ASAP1: variants seen among roughly 807,000 people sequenced by gnomAD.
ASAP1 encodes ArfGAP with SH3 domain, ankyrin repeat and PH domain 1, also known as arf-GAP with SH3 domain, ANK repeat and PH domain-containing protein 1.
Under a neutral mutation model 145.2 loss-of-function variants are expected in ASAP1, and 43 were observed. That is an observed-to-expected ratio of 0.30 (90% confidence interval 0.23 to 0.38). The LOEUF is 0.38. Ranked by LOEUF, ASAP1 falls within the 10% of genes least tolerant of loss-of-function variation. The probability of loss-of-function intolerance (pLI) is 1.00; values close to 1 mark genes in which losing one functional copy is unlikely to be tolerated. For synonymous variants in ASAP1, 546 were observed against 515.5 expected (o/e 1.06, Z -0.80); for missense variants, 1,018 against 1,355.3 (o/e 0.75, Z 3.91).
intron 2 of ASAP1, among the ~76,000 whole-genome samples, chr8:130,366,624 G>C (rs72724460): frequency 5.3e-5 from 8 of 152,138 alleles, no homozygotes; most frequent in East Asian, 1.9e-4. Flanking sequence ...AAGAGTGTGC[G>C]ATCTGGATTC....
intron 22 of ASAP1, 64 bp downstream of exon 22, chr8:130,116,614 T>G (rs2097556478): frequency 5.7e-6 from 8 of 1,397,456 alleles, no homozygotes; most frequent in Non-Finnish European, 8.0e-6. Flanking sequence ...AATTCTAGCT[T>G]CTCAGAATGA....
intron 11 of ASAP1, among the ~76,000 whole-genome samples, chr8:130,162,635 G>A (rs568914520): frequency 2.9e-4 from 44 of 151,854 alleles, no homozygotes; most frequent in African/African-American, 9.7e-4. Context: ...TGGCTAACAC[G>A]GTGAAACCCC....
At chr8:130,442,980 G>A (rs917348238) in intron 1 of ASAP1, among the ~76,000 whole-genome samples, 3 of 152,140 alleles carry the variant, frequency 2.0e-5, no homozygotes, top group African/African-American at 7.2e-5. Flanking sequence ...CTTTAGGCAA[G>A]TGGCCTGGGG....
intron 9 of ASAP1, among the ~76,000 whole-genome samples, chr8:130,177,108 C>T (rs1474188812): frequency 6.6e-6 from 1 of 152,178 alleles, no homozygotes; most frequent in Non-Finnish European, 1.5e-5. Context: ...AAAAGCCTTG[C>T]TTTATCTCTG....
chr8:130,202,490 T>C (rs1160275857), intron 5 of ASAP1, among the ~76,000 whole-genome samples: 5 of 152,192 alleles, frequency 3.3e-5, no homozygotes, highest in African/African-American at 1.2e-4. Context: ...AAGAACACAC[T>C]TCATAGGAAG....
intron 3 of ASAP1, among the ~76,000 whole-genome samples, chr8:130,301,068 T>C (rs1822630609): frequency 1.3e-5 from 2 of 152,148 alleles, no homozygotes; most frequent in South Asian, 4.1e-4. Context: ...TTTAAGGAGA[T>C]GATGCCAAAA....
chr8:130,352,821 T>C (rs78814423), intron 3 of ASAP1, among the ~76,000 whole-genome samples: 2,095 of 152,330 alleles, frequency 0.014, 48 homozygotes, highest in African/African-American at 0.049. Context: ...TGAATCTACA[T>C]TCTGTATCTT....
intron 26 of ASAP1, among the ~76,000 whole-genome samples, chr8:130,078,358 G>A (rs753615748): frequency 1.1e-4 from 17 of 151,962 alleles, no homozygotes; most frequent in Non-Finnish European, 1.9e-4. Context: ...GCAGAGGTGC[G>A]ATCATGACTC....
intron 2 of ASAP1, among the ~76,000 whole-genome samples, chr8:130,394,689 G>A (rs1343585427): frequency 6.6e-6 from 1 of 152,110 alleles, no homozygotes; most frequent in Non-Finnish European, 1.5e-5. Context: ...TACATGTGAT[G>A]TCTCCCCAGG....
At chr8:130,086,776 C>T (rs1172240783) in intron 25 of ASAP1, among the ~76,000 whole-genome samples, 1 of 152,090 alleles carries the variant, frequency 6.6e-6, no homozygotes, top group African/African-American at 2.4e-5. Context: ...TGCACTCCAG[C>T]CTGGGTGACA....
At chr8:130,091,831 A>G in intron 25 of ASAP1, 142 bp downstream of exon 25, 1 of 873,412 alleles carries the variant, frequency 1.1e-6, no homozygotes, top group Non-Finnish European at 1.7e-6. Flanking sequence ...AGGTAGAATC[A>G]TGTCATATAT....
chr8:130,054,700 G>A lies in ASAP1; in HGVS notation c.*31C>T. On this transcript the variant is annotated 3_prime_UTR_variant, in exon 30 of 30. Coordinates refer to ENST00000518721, the MANE Select transcript of ASAP1 (RefSeq NM_018482.4). ...ATGAAGGCAGCAGTCTTGCATGAAG[G>A]ATGTGGACAATCTTAAGGTTCTGCG... The A allele has an allele frequency of 1.9e-6, 3 of 1,585,802 alleles. No individual in the cohort carries two copies.
At chr8:130,092,234 T>C in intron 24 of ASAP1, 91 bp from the exon 25 acceptor site, 3 of 1,376,574 alleles carry the variant, frequency 2.2e-6, no homozygotes, top group Non-Finnish European at 2.9e-6. Context: ...CACATCAGAA[T>C]GTGGTATGAC....
At chr8:130,440,722 C>T (rs1418981603) in intron 1 of ASAP1, among the ~76,000 whole-genome samples, 2 of 152,178 alleles carry the variant, frequency 1.3e-5, no homozygotes, top group African/African-American at 2.4e-5. Flanking sequence ...ATACACCAAG[C>T]TCTTTTGTGC....
At chr8:130,268,553 C>A (rs1221704190) in intron 3 of ASAP1, among the ~76,000 whole-genome samples, 2 of 145,524 alleles carry the variant, frequency 1.4e-5, no homozygotes, top group Non-Finnish European at 3.0e-5. Flanking sequence ...AACTATAGAG[C>A]AATATTTGTA....
At chr8:130,333,027 C>T (rs970549643) in intron 3 of ASAP1, among the ~76,000 whole-genome samples, 12 of 151,966 alleles carry the variant, frequency 7.9e-5, no homozygotes, top group African/African-American at 2.2e-4. Flanking sequence ...AAGCACAAAG[C>T]GGTTCAATCT....
At chr8:130,111,760 C>T (rs1164331781) in intron 24 of ASAP1, among the ~76,000 whole-genome samples, 6 of 152,172 alleles carry the variant, frequency 3.9e-5, no homozygotes, top group Non-Finnish European at 8.8e-5. Flanking sequence ...CTCAACTTTA[C>T]CTCTTACCAG....
intron 3 of ASAP1, among the ~76,000 whole-genome samples, chr8:130,355,755 G>T (rs1826267155): frequency 6.6e-6 from 1 of 152,056 alleles, no homozygotes; most frequent in African/African-American, 2.4e-5. Flanking sequence ...TTCAACTATG[G>T]TGGCTATCCT....
intron 3 of ASAP1, among the ~76,000 whole-genome samples, chr8:130,296,597 C>T (rs1822293168): frequency 6.6e-6 from 1 of 150,470 alleles, no homozygotes; most frequent in Non-Finnish European, 1.5e-5. Flanking sequence ...CATGATACTT[C>T]CTTCTGGCCC....
Sources: gnomAD v4.1 joint callset for allele counts (sites outside exome capture counted in the v4.1 genomes callset) on GRCh38, gnomAD v4.1.1 for gene constraint, MANE v1.5 for transcripts, NCBI Gene and HGNC (gene_info 2026-07-23, HGNC 2026-07-21) for gene names.